KDM4B: variants seen among roughly 807,000 people sequenced by gnomAD.
KDM4B encodes the protein lysine demethylase 4B, also known as lysine-specific demethylase 4B.
Under a neutral mutation model 125.2 loss-of-function variants are expected in KDM4B, and 32 were observed. The ratio of observed to expected loss-of-function variants is 0.26; its 90% CI spans 0.19 to 0.34. The LOEUF (loss-of-function observed/expected upper bound fraction) is 0.34, where lower values mean the gene tolerates loss of function less well. Among genes scored for constraint, KDM4B ranks in the 10% least tolerant of loss-of-function variants. KDM4B has a pLI of 1.00. For missense variants in KDM4B, 1,190 were observed against 1,577.7 expected (o/e 0.75, Z 4.16); for synonymous variants, 721 against 677.9 (o/e 1.06, Z -0.99).
Position 5,146,236 on chromosome 19 carries a change from A to ACC in KDM4B, c.3021+1341_3021+1342dup, listed in dbSNP as rs35335372. Among the ~76,000 whole-genome samples, 348 of 112,726 alleles carry ACC rather than the reference A, an allele frequency of 3.1e-3. 2 individuals are homozygous for ACC. The highest frequency in any genetic ancestry group is 6.7e-3 in the Middle Eastern group (1 of 150). 74.0% of individuals were successfully genotyped at this position (112,726 alleles called of 152,430 possible). On this transcript the variant is annotated intron_variant, in intron 21 of 22. Transcript: ENST00000159111. ...TCGGACCTGTCACTGAGCATCCAGG[A>ACC]CCCCCCCCGCTCCGCCGTGCAGGCC...
rs1462031296 is a variant in KDM4B, at chr19:5,119,843, G to C, written c.1306G>C (p.Gly436Arg). ...QPLPHGREAE[G>R]AEEDGRGKLR... ...ACTGCCACACGGCCGGGAGGCCGAGGGCGCAGAAGGTCAGTCCCTGCCGGG... is the reference window on the plus strand; with the variant it reads ...ACTGCCACACGGCCGGGAGGCCGAGCGCGCAGAAGGTCAGTCCCTGCCGGG... The change falls in exon 11 of 23, where the codon GGC becomes CGC. Residue 436 changes from glycine (G) to arginine (R), a missense_variant. Coordinates refer to ENST00000159111, the MANE Select transcript of KDM4B (RefSeq NM_015015.3). 1 of 1,546,410 alleles carries C rather than the reference G, an allele frequency of 6.5e-7. No homozygotes were observed.
At chr19:5,033,168 C>G in intron 3 of KDM4B, 137 bp downstream of exon 3, 1 of 985,308 alleles carries the variant, frequency 1.0e-6, no homozygotes, top group Non-Finnish European at 1.5e-6. Context: ...ACTCCCAGCT[C>G]GTTTACCAGC....
rs191685620 is a variant in KDM4B, at chr19:5,059,192, C to G, written c.626+11523C>G. Among the ~76,000 whole-genome samples, 243 of 152,360 alleles carry G rather than the reference C, an allele frequency of 1.6e-3. 3 individuals carry two copies. Among genetic ancestry groups the G allele is most frequent in the African/African-American group, 5.6e-3 (234 of 41,584 alleles). Reference sequence around the variant, plus strand: ...CGAGGCTGCTGCCGGCGGGGTTCAGCTCCCCAGAAGGGAGATGGCAGCAAA... The same window carrying G: ...CGAGGCTGCTGCCGGCGGGGTTCAGGTCCCCAGAAGGGAGATGGCAGCAAA... On this transcript the variant is annotated intron_variant, in intron 6 of 22. Coordinates refer to ENST00000159111, the MANE Select transcript of KDM4B (RefSeq NM_015015.3).
intron 2 of KDM4B, among the ~76,000 whole-genome samples, chr19:5,023,554 A>G (rs2036187215): frequency 6.6e-6 from 1 of 152,128 alleles, no homozygotes; most frequent in African/African-American, 2.4e-5. Context: ...AGCAGGAACC[A>G]GCGAGATGGC....
intron 5 of KDM4B, among the ~76,000 whole-genome samples, chr19:5,044,672 C>T (rs1030934860): frequency 2.6e-5 from 4 of 152,086 alleles, no homozygotes; most frequent in Non-Finnish European, 5.9e-5. Flanking sequence ...CTCAGCCTCC[C>T]GAGTAGCTGG....
chr19:4,982,951 G>A (rs1215549073), intron 1 of KDM4B, among the ~76,000 whole-genome samples: 1 of 152,098 alleles, frequency 6.6e-6, no homozygotes, highest in Non-Finnish European at 1.5e-5. Context: ...GTCCAGTGAG[G>A]ATGCAGAACA....
At chr19:5,138,676 A>G (rs1469734153) in intron 18 of KDM4B, among the ~76,000 whole-genome samples, 1 of 152,154 alleles carries the variant, frequency 6.6e-6, no homozygotes, top group African/African-American at 2.4e-5. Context: ...AAACAATTGT[A>G]ACAATGCTTA....
intron 10 of KDM4B, among the ~76,000 whole-genome samples, chr19:5,116,507 A>G (rs1433916596): frequency 6.6e-6 from 1 of 152,220 alleles, no homozygotes; most frequent in Non-Finnish European, 1.5e-5. Context: ...CAAGGATGTA[A>G]ATCGAGAAAG....
intron 1 of KDM4B, among the ~76,000 whole-genome samples, chr19:4,979,306 CCAGGGAAGCA>C (rs1193565304): frequency 2.6e-5 from 4 of 152,232 alleles, no homozygotes; most frequent in Admixed American, 1.3e-4. Flanking sequence ...AAAACCAAGC[CCAGGGAAGCA>C]CAGGGCAGTG....
At chr19:5,017,998 CA>C in intron 2 of KDM4B, among the ~76,000 whole-genome samples, 1 of 151,742 alleles carries the variant, frequency 6.6e-6, no homozygotes, top group East Asian at 1.9e-4. Flanking sequence ...CTTGGCCTCC[CA>C]AAGTGCTGGG....
intron 15 of KDM4B, 149 bp downstream of exon 15, chr19:5,135,710 C>T (rs903616526): frequency 2.6e-5 from 17 of 654,060 alleles, no homozygotes; most frequent in African/African-American, 5.5e-5. Flanking sequence ...GGGCCTCCCC[C>T]GGTGACTTCC....
At chr19:5,098,991 A>G (rs1255001952) in intron 9 of KDM4B, among the ~76,000 whole-genome samples, 5 of 152,184 alleles carry the variant, frequency 3.3e-5, no homozygotes, top group East Asian at 3.9e-4. Flanking sequence ...CCTGCCTCCA[A>G]GGAATGTGCA....
rs993945186 is a variant in KDM4B, at chr19:4,976,396, G to C, written c.-109+7166G>C. Among the ~76,000 whole-genome samples the C allele has an allele frequency of 3.9e-5, 6 of 152,142 alleles. No homozygotes were observed. The South Asian group carries it at 1.2e-3, about 32-fold the overall frequency. ...TACAAACAGTGTAGGTGGGGGGAAC[G>C]CTTCGCTGTTTGAGACGCCAGACTC... On this transcript the variant is annotated intron_variant, in intron 1 of 22. Coordinates refer to ENST00000159111, the MANE Select transcript of KDM4B (RefSeq NM_015015.3).
rs1367959679 is a variant in KDM4B, at chr19:5,081,687, G to A, written c.781-680G>A. Among the ~76,000 whole-genome samples the A allele has an allele frequency of 6.6e-6, 1 of 152,196 alleles. No homozygotes were observed. Among genetic ancestry groups the A allele is most frequent in the Non-Finnish European group, 1.5e-5 (1 of 68,030 alleles). On this transcript the variant is annotated intron_variant, in intron 8 of 22. Coordinates refer to ENST00000159111, the MANE Select transcript of KDM4B (RefSeq NM_015015.3). The surrounding 1 kb of genome is among the most constrained non-coding windows in gnomAD (Gnocchi z 4.2). ...TCTGTGGTGTCAGGTCATGCCCCCG[G>A]TGTGCAGATATTTCTGGATCTCCAT...
intron 9 of KDM4B, among the ~76,000 whole-genome samples, chr19:5,101,217 C>G (rs368153380): frequency 2.3e-5 from 3 of 129,792 alleles, no homozygotes; most frequent in Admixed American, 8.7e-5. Flanking sequence ...AGCAAGACTC[C>G]GTCTCAAAAA....
At chr19:5,128,939 G>A (rs1040975154) in intron 11 of KDM4B, among the ~76,000 whole-genome samples, 1 of 152,034 alleles carries the variant, frequency 6.6e-6, no homozygotes, top group African/African-American at 2.4e-5. Flanking sequence ...GGCCAGACAG[G>A]ACCTGGGGGT....
chr19:5,040,061 C>T, intron 4 of KDM4B, 50 bp downstream of exon 4: 2 of 1,546,586 alleles, frequency 1.3e-6, no homozygotes, highest in South Asian at 2.4e-5. Flanking sequence ...GGGGGCACAC[C>T]TGCTCATGGG....
At chr19:5,145,274 AATT>A (rs747961618) in intron 21 of KDM4B, among the ~76,000 whole-genome samples, 22 of 150,986 alleles carry the variant, frequency 1.5e-4, no homozygotes, top group Non-Finnish European at 2.7e-4. Flanking sequence ...GTGGAAGAGG[AATT>A]ATTTAAAAGT....
intron 10 of KDM4B, chr19:5,113,898 G>A (rs1568305789): frequency 8.3e-7 from 1 of 1,199,358 alleles, no homozygotes; most frequent in East Asian, 5.8e-5. Context: ...TGCCCCATGG[G>A]GTGCGGATGG....
Sources: allele counts gnomAD v4.1 joint callset (sites outside exome capture counted in the v4.1 genomes callset), GRCh38; gene constraint gnomAD v4.1.1; non-coding constraint Gnocchi (gnomAD v3.1); transcripts MANE v1.5; gene names NCBI Gene and HGNC (gene_info 2026-07-23, HGNC 2026-07-21).